The following PTPRF variants were observed in gnomAD, a reference collection of about 807,000 sequenced individuals.
PTPRF encodes protein tyrosine phosphatase receptor type F, also known as receptor-type tyrosine-protein phosphatase F.
A neutral mutation model predicts 201.8 loss-of-function variants in PTPRF; 59 were observed. The ratio of observed to expected loss-of-function variants is 0.29; its 90% CI spans 0.24 to 0.36. PTPRF has a LOEUF of 0.36. Ranked by LOEUF, PTPRF falls within the 10% of genes least tolerant of loss-of-function variation. PTPRF has a pLI of 1.00. For synonymous variants in PTPRF, 1,088 were observed against 1,089.7 expected, an observed-to-expected ratio of 1.00 and a Z score of 0.03; for missense variants, 2,132 against 2,690.5, an observed-to-expected ratio of 0.79 and a Z score of 4.59.
intron 22 of PTPRF, among the ~76,000 whole-genome samples, chr1:43,612,303 C>G (rs772689811): frequency 6.6e-6 from 1 of 152,072 alleles, no homozygotes; most frequent in Non-Finnish European, 1.5e-5. Context: ...AGTGGAGAAA[C>G]CCCTTTCAAA....
chr1:43,611,011 G>T (rs1033541267), intron 22 of PTPRF, among the ~76,000 whole-genome samples: 2 of 152,172 alleles, frequency 1.3e-5, no homozygotes, highest in South Asian at 2.1e-4. Context: ...AACTATTTAC[G>T]CTCTGGCCTG....
rs199544732 is a variant in PTPRF at position 43,605,174 on chromosome 1, C to G, written c.3136-16C>G. On this transcript the variant is annotated splice_polypyrimidine_tract_variant and intron_variant, in intron 17 of 33. Coordinates refer to ENST00000359947, the MANE Select transcript of PTPRF (RefSeq NM_002840.5). ...CCTCACCCAAAGGCATTGATTGCCCCTCCCGTCCCCCACAGATTCTGTACA... is the reference window on the plus strand; with the variant it reads ...CCTCACCCAAAGGCATTGATTGCCCGTCCCGTCCCCCACAGATTCTGTACA... The G allele has an allele frequency of 1.3e-6, 2 of 1,585,170 alleles. No homozygotes were observed. The highest frequency in any genetic ancestry group is 3.4e-5 in the Admixed American group (2 of 59,138).
chr1:43,613,119 T>C, intron 22 of PTPRF: 1 of 337,626 alleles, frequency 3.0e-6, no homozygotes, highest in Non-Finnish European at 5.8e-6. Context: ...CACACCCCCC[T>C]CCTGGTCTCT....
intron 7 of PTPRF, among the ~76,000 whole-genome samples, chr1:43,582,828 C>A (rs906340360): frequency 6.6e-6 from 1 of 152,214 alleles, no homozygotes; most frequent in Admixed American, 6.5e-5. Context: ...GCCTCCCTGG[C>A]GCCTGCTGGC....
rs115597412 is a variant in PTPRF, at chr1:43,548,238, G to A, written c.91+3072G>A. ...ACCCGACAGCATGGGACAGAGGTGG[G>A]GTCCGAAGACCAGGTGGGAGTGAGA... On this transcript the variant is annotated intron_variant, in intron 3 of 33. Coordinates refer to ENST00000359947, the MANE Select transcript of PTPRF (RefSeq NM_002840.5). 3.5e-3 allele frequency among the ~76,000 whole-genome samples: 534 copies of A among 152,206 alleles called. 1 individual carries two copies. Among genetic ancestry groups the A allele is most frequent in the Non-Finnish European group, 6.2e-3 (421 of 67,992 alleles).
At position 43,578,887 on chromosome 1, in the gene PTPRF, C is replaced by A; in HGVS notation, c.646C>A (p.Arg216Ser). Reference sequence around the variant, plus strand: ...TGTGGCGACCAACTCGGCAGGCACACGTTACTCAGCCCCTGCGAACCTGTA... The same window carrying A: ...TGTGGCGACCAACTCGGCAGGCACAAGTTACTCAGCCCCTGCGAACCTGTA... ...ECVATNSAGT[R>S]YSAPANLYVR... Residue 216 changes from arginine (R) to serine (S), a missense_variant, in exon 7 of 34, where the codon CGT becomes AGT. Transcript: ENST00000359947. The A allele has an allele frequency of 6.2e-7, 1 of 1,614,234 alleles. No homozygotes were observed. The highest frequency in any genetic ancestry group is 8.5e-7 in the Non-Finnish European group (1 of 1,180,036).
rs184879510 is a variant in PTPRF at position 43,621,870 on chromosome 1, T to C, written c.5656-65T>C. On this transcript the variant is annotated intron_variant, in intron 33 of 33. Coordinates refer to ENST00000359947, the MANE Select transcript of PTPRF (RefSeq NM_002840.5). ...GCTAACTCCATGGCTGCAGTGTGAGTGTCAGCTGTGTAGTGGGGGTGTCCA... is the reference window on the plus strand; with the variant it reads ...GCTAACTCCATGGCTGCAGTGTGAGCGTCAGCTGTGTAGTGGGGGTGTCCA... 201 of 1,490,442 alleles carry C rather than the reference T, an allele frequency of 1.3e-4. No individual in the cohort carries two copies. The East Asian group carries it at 3.8e-3, about 28-fold the overall frequency. 92.3% of individuals were successfully genotyped at this position (1,490,442 alleles called of 1,614,324 possible).
intron 3 of PTPRF, 138 bp downstream of exon 3, chr1:43,545,304 A>G: frequency 1.2e-6 from 1 of 863,330 alleles, no homozygotes; most frequent in Non-Finnish European, 1.8e-6. Flanking sequence ...TGTCCTAGAG[A>G]GCCCCCACTG....
At chr1:43,614,985 C>T (rs944616102) in intron 23 of PTPRF, among the ~76,000 whole-genome samples, 1 of 152,244 alleles carries the variant, frequency 6.6e-6, no homozygotes, top group African/African-American at 2.4e-5. Flanking sequence ...ACAGCTGTTT[C>T]CTCAGCACCT....
rs1216093340 is a variant in PTPRF, at chr1:43,622,252, C to T, written c.*249C>T. On this transcript the variant is annotated 3_prime_UTR_variant, in exon 34 of 34. Coordinates refer to ENST00000359947, the MANE Select transcript of PTPRF (RefSeq NM_002840.5). Reference sequence around the variant, plus strand: ...TCTGTCCACCAGACCCACCTGGAGCCCGCTTCAAGCTCTCTGTTGCGCTCC... The same window carrying T: ...TCTGTCCACCAGACCCACCTGGAGCTCGCTTCAAGCTCTCTGTTGCGCTCC... 3 of 526,774 alleles carry T rather than the reference C, an allele frequency of 5.7e-6. No individual in the cohort carries two copies. Among genetic ancestry groups the T allele is most frequent in the East Asian group, 3.2e-5 (1 of 31,566 alleles). 32.6% of individuals were successfully genotyped at this position (526,774 alleles called of 1,614,324 possible). A position where few individuals can be genotyped will look rare whatever the true frequency, so the allele number is the denominator to read the frequency against.
Position 43,609,413 on chromosome 1 carries a change from T to C in PTPRF, c.3888T>C (p.Asp1296=), listed in dbSNP as rs1352965957. ...GGACCCACTCTCCGTCCTCTAAGGATGAGCAGTCGATCGGACTGAAGGACT... is the reference window on the plus strand; with the variant it reads ...GGACCCACTCTCCGTCCTCTAAGGACGAGCAGTCGATCGGACTGAAGGACT... ...RKRTHSPSSK[D]EQSIGLKDSL... is the part of the protein sequence containing the mutation. Residue 1296 remains aspartate (D), a synonymous_variant, in exon 22 of 34, where the codon GAT becomes GAC. Coordinates refer to ENST00000359947, the MANE Select transcript of PTPRF (RefSeq NM_002840.5). 3 of 1,613,726 alleles carry C rather than the reference T, an allele frequency of 1.9e-6. No homozygotes were observed. In the South Asian group the frequency reaches 3.3e-5, roughly 18 times the overall value.
At chr1:43,597,371 A>G (rs1465943058) in intron 11 of PTPRF, among the ~76,000 whole-genome samples, 1 of 152,004 alleles carries the variant, frequency 6.6e-6, no homozygotes, top group African/African-American at 2.4e-5. Context: ...TGTGAGAGAC[A>G]CTGTGAGACA....
At chr1:43,598,667 G>C (rs775545444) in intron 12 of PTPRF, 53 bp from the exon 13 acceptor site, 16 of 1,553,016 alleles carry the variant, frequency 1.0e-5, no homozygotes, top group Non-Finnish European at 1.2e-5. Flanking sequence ...GTGCCCACCT[G>C]AGCTAGGGTT....
rs1280959279 is a variant in PTPRF at position 43,537,917 on chromosome 1, TG to T, written c.-125-280del. ...GGAGCTGGGCCACAGAGTCTACTGCTGAGGTCAGGGACTTGGTCTGTGTGGC... is the reference window on the plus strand; with the variant it reads ...GGAGCTGGGCCACAGAGTCTACTGCTAGGTCAGGGACTTGGTCTGTGTGGC... On this transcript the variant is annotated intron_variant, in intron 1 of 33. Coordinates refer to ENST00000359947, the MANE Select transcript of PTPRF (RefSeq NM_002840.5). This position sits in a 1 kb window ranked among gnomAD's most constrained non-coding sequence, Gnocchi z 4.8. Among the ~76,000 whole-genome samples, 1 of 152,078 alleles carries T rather than the reference TG, an allele frequency of 6.6e-6. No individual in the cohort carries two copies. The highest frequency in any genetic ancestry group is 2.4e-5 in the African/African-American group (1 of 41,404).
intron 20 of PTPRF, 106 bp from the exon 21 acceptor site, chr1:43,606,707 AG>A: frequency 6.9e-7 from 1 of 1,452,452 alleles, no homozygotes; most frequent in Non-Finnish European, 9.3e-7. Context: ...CTGGGAGACC[AG>A]GCCCAGGGTA....
chr1:43,558,625 G>A (rs935769150), intron 5 of PTPRF, among the ~76,000 whole-genome samples: 5 of 152,316 alleles, frequency 3.3e-5, no homozygotes, highest in Admixed American at 2.6e-4. Context: ...CTCCCTCGCC[G>A]GGTAATGGCA....
intron 5 of PTPRF, among the ~76,000 whole-genome samples, chr1:43,558,835 C>T (rs1006340409): frequency 8.5e-5 from 13 of 152,112 alleles, no homozygotes; most frequent in African/African-American, 2.7e-4. Flanking sequence ...GGTCTTGGAG[C>T]TCAGTCTGTA....
chr1:43,565,521 G>T (rs530898171), intron 5 of PTPRF, among the ~76,000 whole-genome samples: 3 of 152,288 alleles, frequency 2.0e-5, no homozygotes, highest in Admixed American at 1.3e-4. Context: ...ACGGTGTGGA[G>T]ACTCGGGCTC....
chr1:43,557,924 AGGAG>A (rs1197137085), intron 5 of PTPRF, among the ~76,000 whole-genome samples: 5 of 152,328 alleles, frequency 3.3e-5, no homozygotes, highest in East Asian at 1.9e-4. Context: ...GGCGTGCCGC[AGGAG>A]GGCCAGAGGG....
Sources: allele counts gnomAD v4.1 joint callset (sites outside exome capture counted in the v4.1 genomes callset), GRCh38; gene constraint gnomAD v4.1.1; non-coding constraint Gnocchi (gnomAD v3.1); transcripts MANE v1.5; gene names NCBI Gene and HGNC (gene_info 2026-07-23, HGNC 2026-07-21).